The following ZBTB11 variants were observed in gnomAD, a reference collection of about 807,000 sequenced individuals.
The protein encoded by ZBTB11 is zinc finger and BTB domain-containing protein 11.
ZBTB11 carries 68 observed loss-of-function variants against 113.1 expected under a neutral mutation model. That is an observed-to-expected ratio of 0.60 (90% confidence interval 0.49 to 0.74). The LOEUF is 0.74. ZBTB11 is among the 30% of genes least tolerant of loss of function. The pLI, the probability that ZBTB11 is intolerant of heterozygous loss-of-function variation, is 0.00. For missense variants in ZBTB11, 1,104 were observed against 1,279.4 expected, an observed-to-expected ratio of 0.86 and a Z score of 2.09; for synonymous variants, 518 against 452.6, an observed-to-expected ratio of 1.14 and a Z score of -1.83.
chr3:101,657,973 C>T (rs1349943347), intron 6 of ZBTB11, among the ~76,000 whole-genome samples: 1 of 152,048 alleles, frequency 6.6e-6, no homozygotes, highest in African/African-American at 2.4e-5. Context: ...TGTATTCCGG[C>T]CTGGGTAATA....
At position 101,665,543 on chromosome 3, in the gene ZBTB11, C is replaced by T; in HGVS notation, c.1044G>A (p.Glu348=). Residue 348 remains glutamate (E), a synonymous_variant, in exon 4 of 11, where the codon GAG becomes GAA. Transcript: ENST00000312938. Reference sequence around the variant, plus strand: ...CAGTAGGTAAACTTGTTGTGGTTCCCTCACTGCTAGCAACAGGAGGTGCTG... The same window carrying T: ...CAGTAGGTAAACTTGTTGTGGTTCCTTCACTGCTAGCAACAGGAGGTGCTG... ...GGTAPPVASS[E]GTTTSLPTEL... is the part of the protein sequence containing the mutation. The T allele has an allele frequency of 6.8e-6, 11 of 1,614,222 alleles. No individual in the cohort carries two copies. Among genetic ancestry groups the T allele is most frequent in the Non-Finnish European group, 9.3e-6 (11 of 1,180,038 alleles).
chr3:101,653,050 TA>T, intron 8 of ZBTB11, 112 bp from the exon 9 acceptor site: 1 of 1,165,806 alleles, frequency 8.6e-7, no homozygotes, highest in Non-Finnish European at 1.2e-6. Flanking sequence ...GATCTCAACT[TA>T]AAAGAATTCC....
At chr3:101,657,152 A>C (rs1424114635) in intron 6 of ZBTB11, among the ~76,000 whole-genome samples, 9 of 150,874 alleles carry the variant, frequency 6.0e-5, no homozygotes, top group African/African-American at 2.4e-5. Flanking sequence ...AAAAAAAAAA[A>C]AAAACAAAAA....
At chr3:101,669,905 C>A (rs1426480438) in intron 3 of ZBTB11, among the ~76,000 whole-genome samples, 2 of 151,730 alleles carry the variant, frequency 1.3e-5, no homozygotes, top group Non-Finnish European at 1.5e-5. Flanking sequence ...CTCAGCTCAC[C>A]GCAACGTCCA....
intron 3 of ZBTB11, among the ~76,000 whole-genome samples, chr3:101,668,261 G>A (rs190182074): frequency 6.6e-6 from 1 of 152,094 alleles, no homozygotes; most frequent in Non-Finnish European, 1.5e-5. Flanking sequence ...ATTACAGCTA[G>A]ATAGATAGAA....
At position 101,664,603 on chromosome 3, in the gene ZBTB11, GA is replaced by G; in HGVS notation, c.1734del (p.Gln579ArgfsTer7). The G allele has an allele frequency of 6.2e-7, 1 of 1,613,838 alleles. No individual in the cohort carries two copies. On this transcript the variant is annotated frameshift_variant, in exon 5 of 11. Transcript: ENST00000312938. LOFTEE classifies it high-confidence loss of function. ...SHKCGECGMV[F>X]QRRYALIMHK... ...TGCATTATAAGGGCGTATCGTCTCT[GA>G]AAAACCATTCCACATTCCCCACATT...
intron 3 of ZBTB11, among the ~76,000 whole-genome samples, chr3:101,666,681 ATGAT>A (rs1225557833): frequency 1.3e-5 from 2 of 152,194 alleles, no homozygotes; most frequent in Non-Finnish European, 1.5e-5. Flanking sequence ...CATAACCAGA[ATGAT>A]TAAGAATTTG....
chr3:101,676,729 C>T lies in ZBTB11; in HGVS notation c.186G>A (p.Leu62=). ...RQRHRKTFAE[L]EVVLQPERRR... Reference sequence around the variant, plus strand: ...GTCGCTCCGGCTGCAGCACCACCTCCAGCTCCGCGAAGGTCTTGCGGTGCC... The same window carrying T: ...GTCGCTCCGGCTGCAGCACCACCTCTAGCTCCGCGAAGGTCTTGCGGTGCC... The change falls in exon 1 of 11, where the codon CTG becomes CTA. Residue 62 remains leucine (L), a synonymous_variant. Transcript: ENST00000312938. 6.2e-7 allele frequency: 1 copy of T among 1,602,792 alleles called. No homozygotes were observed. Among genetic ancestry groups the T allele is most frequent in the Non-Finnish European group, 8.5e-7 (1 of 1,174,918 alleles).
intron 1 of ZBTB11, among the ~76,000 whole-genome samples, chr3:101,672,807 T>C (rs771487471): frequency 6.6e-6 from 1 of 152,258 alleles, no homozygotes; most frequent in Non-Finnish European, 1.5e-5. Context: ...GTGATTTGAT[T>C]TGCACACATG....
intron 5 of ZBTB11, among the ~76,000 whole-genome samples, chr3:101,661,674 C>A (rs776136901): frequency 3.3e-5 from 5 of 152,114 alleles, no homozygotes; most frequent in Non-Finnish European, 7.4e-5. Flanking sequence ...TGTCCTCTGG[C>A]AACTTATTTT....
chr3:101,658,369 G>T (rs1404721577), intron 6 of ZBTB11, among the ~76,000 whole-genome samples: 4 of 151,982 alleles, frequency 2.6e-5, no homozygotes, highest in Non-Finnish European at 5.9e-5. Flanking sequence ...GGGATTACAG[G>T]TGTGTGCCAC....
chr3:101,673,578 A>T (rs1937115973), intron 1 of ZBTB11, among the ~76,000 whole-genome samples: 1 of 151,190 alleles, frequency 6.6e-6, no homozygotes, highest in Non-Finnish European at 1.5e-5. Flanking sequence ...CAGTGGTGGG[A>T]TCCCGGCTCA....
Position 101,652,483 on chromosome 3 carries a change from A to G in ZBTB11, c.2644+13T>C. On this transcript the variant is annotated intron_variant, in intron 10 of 10. Coordinates refer to ENST00000312938, the MANE Select transcript of ZBTB11 (RefSeq NM_014415.4). ...TATTCTATAAGGATACATATAATAT[A>G]AAGTATAGTTACCTTCATGGTTGTT... is the stretch of plus-strand genomic sequence containing the variant. The G allele has an allele frequency of 6.2e-7, 1 of 1,609,388 alleles. No individual in the cohort carries two copies. The highest frequency in any genetic ancestry group is 8.5e-7 in the Non-Finnish European group (1 of 1,177,236).
In ZBTB11 at chr3:101,671,126, T is replaced by C. The variant is rs1316022593; in HGVS notation, c.778+4A>G. The stretch of plus-strand genomic sequence containing the variant: ...AAAAAGCAAGAGTAATACAAAACCC[T>C]TACCAGAAAGATCCACCACAGCCTC... On this transcript the variant is annotated splice_donor_region_variant and intron_variant, in intron 3 of 10. Transcript: ENST00000312938. The C allele has an allele frequency of 1.9e-6, 3 of 1,611,768 alleles. No homozygotes were observed. Among genetic ancestry groups the C allele is most frequent in the South Asian group, 2.2e-5 (2 of 91,034 alleles).
At chr3:101,659,730 C>A in intron 6 of ZBTB11, 53 bp downstream of exon 6, 1 of 1,594,960 alleles carries the variant, frequency 6.3e-7, no homozygotes, top group Non-Finnish European at 8.6e-7. Flanking sequence ...CTTTGGCACA[C>A]ATAGTTAAGT....
At position 101,651,208 on chromosome 3, in the gene ZBTB11, T is replaced by C. The variant is rs562107949; in HGVS notation, c.3120A>G (p.Gln1040=). ...QKLSEVAEAI[Q]TVKVEVAHIS... ...TATGTGCTACCTCTACTTTAACAGT[T>C]TGAATAGCTTCTGCAACTTCAGATA... Residue 1040 remains glutamine (Q), a synonymous_variant, in exon 11 of 11, where the codon CAA becomes CAG. Transcript: ENST00000312938. 1.7e-5 allele frequency: 27 copies of C among 1,608,742 alleles called. No homozygotes were observed. Among genetic ancestry groups the C allele is most frequent in the Middle Eastern group, 3.3e-4 (2 of 5,992 alleles).
intron 10 of ZBTB11, among the ~76,000 whole-genome samples, 179 bp from the exon 11 acceptor site, chr3:101,651,862 G>T (rs1170469223): frequency 1.3e-5 from 2 of 152,178 alleles, no homozygotes; most frequent in East Asian, 3.9e-4. Context: ...TGCCGGGCAC[G>T]GTGGCTCACA....
Position 101,665,303 on chromosome 3 carries a change from G to T in ZBTB11, c.1284C>A (p.Asn428Lys). 4.3e-6 allele frequency: 7 copies of T among 1,614,128 alleles called. No individual in the cohort carries two copies. The highest frequency in any genetic ancestry group is 5.9e-6 in the Non-Finnish European group (7 of 1,180,026). Residue 428 changes from asparagine to lysine, a missense_variant, in exon 4 of 11, where the codon AAC (asparagine) becomes AAA (lysine). Coordinates refer to ENST00000312938, the MANE Select transcript of ZBTB11 (RefSeq NM_014415.4). Reference protein sequence around the residue: ...NNQTELETSNNRENNTVSNIH... With the variant: ...NNQTELETSNKRENNTVSNIH... ...TATTAGAAACTGTGTTATTTTCTCT[G>T]TTGTTTGAAGTTTCTAGTTCTGTCT... is the stretch of plus-strand genomic sequence containing the variant.
chr3:101,669,910 C>T (rs1937060135), intron 3 of ZBTB11, among the ~76,000 whole-genome samples: 1 of 151,672 alleles, frequency 6.6e-6, no homozygotes, highest in Non-Finnish European at 1.5e-5. Flanking sequence ...CTCACCGCAA[C>T]GTCCACCTCC....
Sources: gnomAD v4.1 joint callset for allele counts (sites outside exome capture counted in the v4.1 genomes callset) on GRCh38, gnomAD v4.1.1 for gene constraint, MANE v1.5 for transcripts, NCBI Gene and HGNC (gene_info 2026-07-23, HGNC 2026-07-21) for gene names.